CEP63: variants seen among roughly 807,000 people sequenced by gnomAD.
CEP63 encodes the protein centrosomal protein of 63 kDa.
A neutral mutation model predicts 89.1 loss-of-function variants in CEP63; 84 were observed. The observed-to-expected ratio is 0.94, with a 90% confidence interval of 0.79 to 1.13. The LOEUF (loss-of-function observed/expected upper bound fraction) is 1.13. CEP63 is among the 50% of genes most tolerant of loss of function. The probability of loss-of-function intolerance (pLI) is 0.00; values close to 1 mark genes in which losing one functional copy is unlikely to be tolerated. For missense variants in CEP63, 838 were observed against 813.3 expected, an observed-to-expected ratio of 1.03 and a Z score of -0.37; for synonymous variants, 267 against 272.5, an observed-to-expected ratio of 0.98 and a Z score of 0.20.
the CEP63 span, among the ~76,000 whole-genome samples, chr3:134,747,740 T>C: frequency 6.6e-6 from 1 of 152,178 alleles, no homozygotes; most frequent in African/African-American, 2.4e-5. Flanking sequence ...TATCAGCCCT[T>C]AATCTATGGG....
the CEP63 span, among the ~76,000 whole-genome samples, chr3:134,594,210 AGATGG>A: frequency 6.6e-6 from 1 of 152,320 alleles, no homozygotes; most frequent in Non-Finnish European, 1.5e-5. Flanking sequence ...TCCTTTACCC[AGATGG>A]GAGCTGCCAG....
At chr3:134,709,872 T>C in the CEP63 span, among the ~76,000 whole-genome samples, 1 of 152,228 alleles carries the variant, frequency 6.6e-6, no homozygotes, top group Non-Finnish European at 1.5e-5. Context: ...AATAGGATGG[T>C]GATCCGTTAA....
At chr3:134,647,104 A>G in the CEP63 span, among the ~76,000 whole-genome samples, 1 of 152,212 alleles carries the variant, frequency 6.6e-6, no homozygotes, top group African/African-American at 2.4e-5. Flanking sequence ...TTTTCAAAAG[A>G]TAGATGGCTG....
At chr3:134,489,552 C>T (rs1039499892) in intron 1 of CEP63, among the ~76,000 whole-genome samples, 3 of 152,136 alleles carry the variant, frequency 2.0e-5, no homozygotes, top group Non-Finnish European at 2.9e-5. Flanking sequence ...GACTCTTTCA[C>T]TTAGTGGTGA....
the CEP63 span, among the ~76,000 whole-genome samples, chr3:134,687,308 C>T: frequency 1.3e-5 from 2 of 152,362 alleles, no homozygotes; most frequent in East Asian, 1.9e-4. Flanking sequence ...TACCCCCTCT[C>T]ACAACTTTAT....
At chr3:134,666,105 G>A in the CEP63 span, among the ~76,000 whole-genome samples, 11 of 152,260 alleles carry the variant, frequency 7.2e-5, no homozygotes, top group East Asian at 7.7e-4. Context: ...GTGCTTGTGC[G>A]CTGGCTGGCA....
At chr3:134,712,390 G>A in the CEP63 span, among the ~76,000 whole-genome samples, 1 of 104,936 alleles carries the variant, frequency 9.5e-6, no homozygotes, top group Non-Finnish European at 2.4e-5. Context: ...CTTAGTTTCT[G>A]TCTTTTAAAA....
chr3:134,515,355 G>A (rs1473693239), intron 3 of CEP63, among the ~76,000 whole-genome samples: 1 of 152,166 alleles, frequency 6.6e-6, no homozygotes, highest in African/African-American at 2.4e-5. Context: ...TGTAAATGCA[G>A]TAACTGGCTT....
At chr3:134,738,779 T>C in the CEP63 span, among the ~76,000 whole-genome samples, 1 of 152,068 alleles carries the variant, frequency 6.6e-6, no homozygotes, top group Non-Finnish European at 1.5e-5. Context: ...AAAAGAATAA[T>C]GAACCCATAC....
the CEP63 span, among the ~76,000 whole-genome samples, chr3:134,761,980 T>TA: frequency 6.6e-6 from 1 of 152,212 alleles, no homozygotes; most frequent in African/African-American, 2.4e-5. Context: ...CAGCCGTTCT[T>TA]ATCCTGAGAT....
At chr3:134,584,577 G>T (rs1380171006) in intron 10 of CEP63, among the ~76,000 whole-genome samples, 2 of 152,114 alleles carry the variant, frequency 1.3e-5, no homozygotes, top group African/African-American at 4.8e-5. Flanking sequence ...GATTCGGTTT[G>T]CCAGTATTTT....
At chr3:134,536,960 C>T (rs1459724626) in intron 5 of CEP63, 195 bp from the exon 6 acceptor site, 1 of 585,486 alleles carries the variant, frequency 1.7e-6, no homozygotes, top group African/African-American at 1.9e-5. Context: ...AGACAGATAT[C>T]CAGAGGCACA....
the CEP63 span, among the ~76,000 whole-genome samples, chr3:134,602,966 G>A: frequency 0.63 from 95,932 of 152,100 alleles, 30,753 homozygotes; most frequent in East Asian, 0.87. Flanking sequence ...TGGGTCAGCT[G>A]GCTTCCTCAC....
the CEP63 span, among the ~76,000 whole-genome samples, chr3:134,651,820 C>T: frequency 2.6e-5 from 4 of 152,130 alleles, no homozygotes; most frequent in African/African-American, 7.2e-5. Flanking sequence ...ATTTTTAGCC[C>T]GGCCTGGCCT....
At chr3:134,486,001 C>T (rs891678203), upstream of CEP63, 2 of 982,334 alleles carry the variant, frequency 2.0e-6, no homozygotes, top group Non-Finnish European at 2.4e-6. Flanking sequence ...GCCCCCCCCC[C>T]CTCCCCCGCA....
intron 12 of CEP63, among the ~76,000 whole-genome samples, chr3:134,557,938 C>T (rs1221425039): frequency 2.0e-5 from 3 of 152,152 alleles, no homozygotes; most frequent in African/African-American, 7.2e-5. Context: ...CACAAGGAAG[C>T]CCGTTGTGCT....
At chr3:134,656,428 G>A in the CEP63 span, among the ~76,000 whole-genome samples, 1 of 152,234 alleles carries the variant, frequency 6.6e-6, no homozygotes, top group African/African-American at 2.4e-5. Flanking sequence ...TGCTGTGGGT[G>A]AAGCTTCAGC....
chr3:134,776,867 T>G, the CEP63 span, among the ~76,000 whole-genome samples: 4 of 152,210 alleles, frequency 2.6e-5, no homozygotes, highest in African/African-American at 9.7e-5. Flanking sequence ...TTAACACTTT[T>G]GAAACCATCC....
At chr3:134,513,723 C>T (rs924336006) in intron 3 of CEP63, among the ~76,000 whole-genome samples, 45 of 151,996 alleles carry the variant, frequency 3.0e-4, no homozygotes, top group Admixed American at 9.2e-4. Flanking sequence ...AAGGCTGCAC[C>T]CTAGGAGTAA....
Sources: allele counts gnomAD v4.1 joint callset (sites outside exome capture counted in the v4.1 genomes callset), GRCh38; gene constraint gnomAD v4.1.1; transcripts MANE v1.5; gene names NCBI Gene and HGNC (gene_info 2026-07-23, HGNC 2026-07-21).